Variants in EDC3 observed in about 807,000 individuals in gnomAD.
EDC3 encodes enhancer of mRNA decapping 3, also known as enhancer of mRNA-decapping protein 3.
In EDC3, 20 loss-of-function variants were observed where a neutral mutation model predicts 41.8. That is an observed-to-expected ratio of 0.48 (90% CI 0.34 to 0.70). The LOEUF is 0.70. Ranked by LOEUF, EDC3 falls within the 30% of genes least tolerant of loss-of-function variation. EDC3 has a pLI of 0.01. For missense variants in EDC3, 444 were observed against 636.8 expected (o/e 0.70, Z 3.26); for synonymous variants, 206 against 243.2 (o/e 0.85, Z 1.42).
intron 1 of EDC3, among the ~76,000 whole-genome samples, chr15:74,691,008 A>G (rs2063001593): frequency 6.6e-6 from 1 of 152,188 alleles, no homozygotes; most frequent in African/African-American, 2.4e-5. Flanking sequence ...CAGCCTGGGC[A>G]ACATGGCAAA....
At chr15:74,658,749 G>A (rs1387281221) in intron 3 of EDC3, among the ~76,000 whole-genome samples, 4 of 151,126 alleles carry the variant, frequency 2.6e-5, no homozygotes, top group African/African-American at 9.7e-5. Flanking sequence ...GACCATCCTG[G>A]CTAACACGGT....
rs59474468 is a variant in EDC3, at chr15:74,692,130, A to G, written c.-19+3750T>C. Among the ~76,000 whole-genome samples the G allele has an allele frequency of 1.2e-3, 176 of 152,276 alleles. 1 individual carries two copies. Among genetic ancestry groups the G allele is most frequent in the African/African-American group, 4.1e-3 (169 of 41,562 alleles). ...CACCGCACCCGGCCACATATTGTCT[A>G]TGGCTGTTTTCTCACTACAGTGAGA... On this transcript the variant is annotated intron_variant, in intron 1 of 6. Transcript: ENST00000315127.
chr15:74,666,114 A>G (rs917394771), intron 3 of EDC3, among the ~76,000 whole-genome samples: 1 of 152,148 alleles, frequency 6.6e-6, no homozygotes, highest in African/African-American at 2.4e-5. Context: ...TTATATTTCT[A>G]TAGCTTCATC....
chr15:74,651,805 T>C (rs1045187448), intron 4 of EDC3, among the ~76,000 whole-genome samples: 3 of 152,232 alleles, frequency 2.0e-5, no homozygotes, highest in Non-Finnish European at 4.4e-5. Flanking sequence ...CAATGAGTGT[T>C]ATCCCAATAA....
chr15:74,682,737 C>G (rs867497554), intron 1 of EDC3, among the ~76,000 whole-genome samples: 1 of 151,892 alleles, frequency 6.6e-6, no homozygotes, highest in Non-Finnish European at 1.5e-5. Context: ...AAAACCTGTA[C>G]GTGGGCTGGG....
At chr15:74,684,034 A>G (rs2062904992) in intron 1 of EDC3, among the ~76,000 whole-genome samples, 1 of 151,814 alleles carries the variant, frequency 6.6e-6, no homozygotes, top group South Asian at 2.1e-4. Flanking sequence ...CAGCCTGGGC[A>G]ACAGAGCCAG....
chr15:74,643,044 G>C (rs1162485662), intron 4 of EDC3: 6 of 152,146 alleles, frequency 3.9e-5, no homozygotes, highest in Non-Finnish European at 8.8e-5. Context: ...ATGGGGTCTA[G>C]AACTCTACTC....
chr15:74,650,844 A>G (rs1465518014), intron 4 of EDC3, among the ~76,000 whole-genome samples: 1 of 152,090 alleles, frequency 6.6e-6, no homozygotes, highest in Non-Finnish European at 1.5e-5. Flanking sequence ...CTAAAAATAC[A>G]AAAATTTGCC....
intron 1 of EDC3, among the ~76,000 whole-genome samples, chr15:74,679,429 G>A (rs984971717): frequency 1.3e-5 from 2 of 151,920 alleles, no homozygotes; most frequent in Non-Finnish European, 2.9e-5. Context: ...TGCAAAATTG[G>A]TTTGATATTT....
intron 6 of EDC3, among the ~76,000 whole-genome samples, chr15:74,633,629 T>C (rs2062238485): frequency 6.6e-6 from 1 of 152,222 alleles, no homozygotes; most frequent in Non-Finnish European, 1.5e-5. Context: ...TCAACAAGTA[T>C]GTAGATCCTG....
chr15:74,634,536 T>A (rs1380097986), intron 6 of EDC3, among the ~76,000 whole-genome samples: 1 of 152,170 alleles, frequency 6.6e-6, no homozygotes, highest in Non-Finnish European at 1.5e-5. Context: ...AATAGGTGTC[T>A]CAAGCTGAGC....
chr15:74,633,255 G>T (rs2062234829), intron 6 of EDC3, among the ~76,000 whole-genome samples: 1 of 152,198 alleles, frequency 6.6e-6, no homozygotes, highest in South Asian at 2.1e-4. Context: ...CACCTCCTCT[G>T]CCTTCTCAGG....
intron 5 of EDC3, chr15:74,639,063 A>G (rs2062314386): frequency 6.6e-6 from 1 of 152,008 alleles, no homozygotes; most frequent in African/African-American, 2.4e-5. Context: ...GATTATAGGC[A>G]TGCCTCACCA....
chr15:74,691,589 G>C (rs1396736960), intron 1 of EDC3, among the ~76,000 whole-genome samples: 1 of 152,058 alleles, frequency 6.6e-6, no homozygotes, highest in Non-Finnish European at 1.5e-5. Context: ...TGTCCGTAGG[G>C]GGTACACAAA....
intron 1 of EDC3, among the ~76,000 whole-genome samples, chr15:74,680,996 CAT>C (rs2062864753): frequency 6.6e-6 from 1 of 151,982 alleles, no homozygotes; most frequent in African/African-American, 2.4e-5. Flanking sequence ...ACAGATATAA[CAT>C]GTTCATGGAT....
At chr15:74,643,091 A>C (rs1399413648) in intron 4 of EDC3, 2 of 152,184 alleles carry the variant, frequency 1.3e-5, no homozygotes, top group Non-Finnish European at 2.9e-5. Flanking sequence ...AAACACCACA[A>C]AATGTTCCTT....
intron 4 of EDC3, among the ~76,000 whole-genome samples, chr15:74,650,397 T>C (rs2062467057): frequency 6.6e-6 from 1 of 152,152 alleles, no homozygotes; most frequent in Non-Finnish European, 1.5e-5. Context: ...CACCTGCACC[T>C]GCCTAGCCTA....
chr15:74,693,881 G>A (rs1215094614), intron 1 of EDC3, among the ~76,000 whole-genome samples: 1 of 152,118 alleles, frequency 6.6e-6, no homozygotes, highest in African/African-American at 2.4e-5. Flanking sequence ...GTACTTGGGA[G>A]GCTGAGGCAG....
At chr15:74,651,570 C>T (rs2062480954) in intron 4 of EDC3, among the ~76,000 whole-genome samples, 1 of 152,220 alleles carries the variant, frequency 6.6e-6, no homozygotes, top group African/African-American at 2.4e-5. Context: ...AGGGCACCAG[C>T]AGCAAGCTGT....
Sources: allele counts gnomAD v4.1 joint callset (sites outside exome capture counted in the v4.1 genomes callset), GRCh38; gene constraint gnomAD v4.1.1; transcripts MANE v1.5; gene names NCBI Gene and HGNC (gene_info 2026-07-23, HGNC 2026-07-21).